DNAAF4: variants seen among roughly 807,000 people sequenced by gnomAD.
The protein encoded by DNAAF4 is dynein axonemal assembly factor 4.
In DNAAF4, 43 loss-of-function variants were observed where a neutral mutation model predicts 51.8. That is an observed-to-expected ratio of 0.83 (90% confidence interval 0.65 to 1.07). DNAAF4 has a LOEUF of 1.07. DNAAF4 is among the 50% of genes least tolerant of loss of function. The pLI, the probability that DNAAF4 is intolerant of heterozygous loss-of-function variation, is 0.00. For synonymous variants in DNAAF4, 194 were observed against 165.6 expected (o/e 1.17, Z -1.32); for missense variants, 581 against 493.0 (o/e 1.18, Z -1.69).
rs138332737 is a variant in DNAAF4, at chr15:55,488,241, T to C, written c.405+2882A>G. Among the ~76,000 whole-genome samples the C allele has an allele frequency of 1.0e-3, 153 of 152,212 alleles. 1 individual carries two copies. The highest frequency in any genetic ancestry group is 3.4e-3 in the Middle Eastern group (1 of 294). The stretch of plus-strand genomic sequence containing the variant: ...AAATAAATTTCTGTTAAACAACATT[T>C]TGTTAGGGTAGCCCAAGCAGAATAA... On this transcript the variant is annotated intron_variant, in intron 4 of 9. Coordinates refer to ENST00000321149, the MANE Select transcript of DNAAF4 (RefSeq NM_130810.4).
chr15:55,463,181 C>A (rs891770437), intron 5 of DNAAF4, among the ~76,000 whole-genome samples: 4 of 151,072 alleles, frequency 2.6e-5, no homozygotes, highest in Non-Finnish European at 4.4e-5. Context: ...CTCACACACA[C>A]ACACACACAC....
At chr15:55,463,077 GGCAGGAGAACT>G (rs766967891) in intron 5 of DNAAF4, among the ~76,000 whole-genome samples, 1 of 152,038 alleles carries the variant, frequency 6.6e-6, no homozygotes, top group Non-Finnish European at 1.5e-5. Flanking sequence ...GGGAGGTTGA[GGCAGGAGAACT>G]GCTTGAATTT....
intron 3 of DNAAF4, among the ~76,000 whole-genome samples, chr15:55,497,110 CT>C (rs952763027): frequency 4.6e-5 from 7 of 152,182 alleles, no homozygotes; most frequent in Non-Finnish European, 1.0e-4. Context: ...CCTACATCCC[CT>C]CCCCCTTCCC....
In DNAAF4 at chr15:55,432,221, G is replaced by A. The variant is rs185492815; in HGVS notation, c.1153+276C>T. ...CCGCCTCTGCCTCCCAAAGTGCTGG[G>A]ATTACAGGCATGAGCATCTGCACCC... On this transcript the variant is annotated intron_variant, in intron 9 of 9. Coordinates refer to ENST00000321149, the MANE Select transcript of DNAAF4 (RefSeq NM_130810.4). 7.2e-5 allele frequency among the ~76,000 whole-genome samples: 11 copies of A among 152,208 alleles called. No individual in the cohort carries two copies. In the South Asian group the frequency reaches 8.3e-4, roughly 11 times the overall value.
At chr15:55,465,030 G>A (rs1359232709) in intron 5 of DNAAF4, among the ~76,000 whole-genome samples, 1 of 152,136 alleles carries the variant, frequency 6.6e-6, no homozygotes, top group East Asian at 1.9e-4. Context: ...TTAGGGAAAT[G>A]CAAATCAAAA....
intron 4 of DNAAF4, among the ~76,000 whole-genome samples, chr15:55,486,495 A>G (rs2058491414): frequency 6.6e-6 from 1 of 151,818 alleles, no homozygotes. Flanking sequence ...TGCCCAGATG[A>G]CCCTGCTTCT....
rs1210758943 is a variant in DNAAF4, at chr15:55,433,972, T to A, written c.1047+933A>T. On this transcript the variant is annotated intron_variant, in intron 8 of 9. Coordinates refer to ENST00000321149, the MANE Select transcript of DNAAF4 (RefSeq NM_130810.4). ...TATATATAATATATATAATATATTTTATATATTATATATAATATATATAAT... is the reference window on the plus strand; with the variant it reads ...TATATATAATATATATAATATATTTAATATATTATATATAATATATATAAT... 7.2e-3 allele frequency among the ~76,000 whole-genome samples: 153 copies of A among 21,312 alleles called. 3 individuals carry two copies. Among genetic ancestry groups the A allele is most frequent in the African/African-American group, 0.027 (146 of 5,504 alleles). The allele number at this position is 21,312 out of a possible 152,430, so 14.0% of individuals were successfully genotyped here.
At chr15:55,471,558 G>C (rs2058255361) in intron 4 of DNAAF4, among the ~76,000 whole-genome samples, 1 of 151,060 alleles carries the variant, frequency 6.6e-6, no homozygotes, top group Non-Finnish European at 1.5e-5. Context: ...CTGTCGCCCA[G>C]GCTGGAGTGC....
At chr15:55,461,543 G>C (rs1008526329) in intron 5 of DNAAF4, among the ~76,000 whole-genome samples, 1 of 152,114 alleles carries the variant, frequency 6.6e-6, no homozygotes, top group African/African-American at 2.4e-5. Flanking sequence ...TGATCTTTGG[G>C]TCAACAATGA....
chr15:55,450,322 C>T lies in DNAAF4; in HGVS notation c.683G>A (p.Ser228Asn), dbSNP rs550862680. 34 of 1,613,728 alleles carry T rather than the reference C, an allele frequency of 2.1e-5. No individual in the cohort carries two copies. Among genetic ancestry groups the T allele is most frequent in the Non-Finnish European group, 2.5e-5 (30 of 1,179,974 alleles). The change falls in exon 6 of 10, where the codon AGT becomes AAT. Residue 228 changes from serine (S) to asparagine (N), a missense_variant. Physicochemically the swap from Ser to Asn is conservative, Grantham distance 46. Coordinates refer to ENST00000321149, the MANE Select transcript of DNAAF4 (RefSeq NM_130810.4). ...GCCAACAGAGCGAGGAGCAGGAATA[C>T]TGTCTTCCTTTAACTTCTCAGTAAA... ...NIFTEKLKED[S>N]IPAPRSVGSI...
chr15:55,472,088 C>A (rs1010056780), intron 4 of DNAAF4, among the ~76,000 whole-genome samples: 10 of 151,996 alleles, frequency 6.6e-5, no homozygotes, highest in African/African-American at 2.4e-4. Flanking sequence ...GATCCACCCG[C>A]CTCAACCTCC....
intron 4 of DNAAF4, among the ~76,000 whole-genome samples, chr15:55,473,221 A>ATATATATATATATG (rs1555418750): frequency 2.1e-5 from 2 of 97,170 alleles, no homozygotes; most frequent in African/African-American, 4.2e-5. Context: ...ATATATATAT[A>ATATATATATATATG]TGTGTGTGTG....
chr15:55,442,600 G>GA (rs1263353088), intron 6 of DNAAF4: 2 of 1,399,094 alleles, frequency 1.4e-6, no homozygotes, highest in East Asian at 4.6e-5. Context: ...TTCTGGAGGG[G>GA]AGAGAATGAG....
rs375847604 is a variant in DNAAF4, at chr15:55,430,704, C to A, written c.1229G>T (p.Arg410Leu). The change falls in exon 10 of 10, where the codon CGG (arginine) becomes CTG (leucine). Residue 410 changes from arginine to leucine, a missense_variant. By Grantham distance (102) the Arg-to-Leu change is moderately radical. Coordinates refer to ENST00000321149, the MANE Select transcript of DNAAF4 (RefSeq NM_130810.4). ...KIVQIDAEKI[R>L]NVIQGTELKS ...TAGTTCTGTTCCTTGAATTACATTC[C>A]GAATCTTCTCAGCATCAATTTGTAC... 1.4e-5 allele frequency: 22 copies of A among 1,612,866 alleles called. No individual in the cohort carries two copies. The African/African-American group carries it at 2.7e-4, about 20-fold the overall frequency.
At position 55,467,084 on chromosome 15, in the gene DNAAF4, G is replaced by T; in HGVS notation, c.483C>A (p.Ala161=). 6.5e-7 allele frequency: 1 copy of T among 1,545,190 alleles called. No individual in the cohort carries two copies. Among genetic ancestry groups the T allele is most frequent in the Non-Finnish European group, 8.7e-7 (1 of 1,146,646 alleles). The part of the protein sequence containing the change: ...ERIKATKALE[A]WKEYQRKAEE... ...CAGCTTTTCTTTGATATTCTTTCCA[G>T]GCTTCCAATGCTTTAGTGGCTTTTA... is the stretch of plus-strand genomic sequence containing the variant. The change falls in exon 5 of 10, where the codon GCC becomes GCA. Residue 161 remains alanine (A), a synonymous_variant. Transcript: ENST00000321149.
chr15:55,463,681 T>C (rs997476597), intron 5 of DNAAF4, among the ~76,000 whole-genome samples: 8 of 151,500 alleles, frequency 5.3e-5, no homozygotes, highest in African/African-American at 1.9e-4. Flanking sequence ...CTCAACCTCT[T>C]TTACAACAGC....
At chr15:55,465,941 G>T (rs149188410) in intron 5 of DNAAF4, among the ~76,000 whole-genome samples, 6 of 152,104 alleles carry the variant, frequency 3.9e-5, no homozygotes, top group East Asian at 3.9e-4. Flanking sequence ...TGGGGACTAG[G>T]GGGGAAGGGT....
chr15:55,421,276 C>T (rs989777214), intron 7 of DNAAF4, among the ~76,000 whole-genome samples: 5 of 151,370 alleles, frequency 3.3e-5, no homozygotes, highest in South Asian at 2.1e-4. Flanking sequence ...CGAGGTGGTC[C>T]GATTACAGGA....
chr15:55,420,963 C>A (rs1276565541), intron 7 of DNAAF4, among the ~76,000 whole-genome samples: 1 of 151,888 alleles, frequency 6.6e-6, no homozygotes, highest in Non-Finnish European at 1.5e-5. Context: ...CCGAGACGGG[C>A]AGATCACTTG....
Sources: allele counts gnomAD v4.1 joint callset (sites outside exome capture counted in the v4.1 genomes callset), GRCh38; gene constraint gnomAD v4.1.1; transcripts MANE v1.5; gene names NCBI Gene and HGNC (gene_info 2026-07-23, HGNC 2026-07-21).